CSNK1G1: variants seen among roughly 807,000 people sequenced by gnomAD.
CSNK1G1 encodes the protein casein kinase I isoform gamma-1.
In CSNK1G1, 22 loss-of-function variants were observed where a neutral mutation model predicts 59.6. The observed-to-expected ratio is 0.37, with a 90% CI of 0.26 to 0.53. The LOEUF is 0.53. Ranked by LOEUF, CSNK1G1 falls within the 20% of genes least tolerant of loss-of-function variation. The pLI is 0.89. For synonymous variants in CSNK1G1, 179 were observed against 177.1 expected, an observed-to-expected ratio of 1.01 and a Z score of -0.08; for missense variants, 384 against 519.5, an observed-to-expected ratio of 0.74 and a Z score of 2.54.
At chr15:64,340,759 G>T (rs1429573144) in intron 1 of CSNK1G1, among the ~76,000 whole-genome samples, 7 of 152,194 alleles carry the variant, frequency 4.6e-5, no homozygotes, top group Admixed American at 4.6e-4. Context: ...CTCAAGACCA[G>T]ACTGGGCAAT....
intron 1 of CSNK1G1, among the ~76,000 whole-genome samples, chr15:64,335,510 G>T (rs1024597805): frequency 3.3e-5 from 5 of 152,124 alleles, no homozygotes; most frequent in Non-Finnish European, 7.4e-5. Context: ...CTTGATGATT[G>T]TCCCAAGAAA....
At chr15:64,257,229 G>C (rs74019233) in intron 3 of CSNK1G1, among the ~76,000 whole-genome samples, 1 of 151,702 alleles carries the variant, frequency 6.6e-6, no homozygotes. Context: ...GAAATGTAAC[G>C]ATCAATCATG....
chr15:64,288,596 GTA>G (rs749748985), intron 2 of CSNK1G1, among the ~76,000 whole-genome samples: 1 of 150,740 alleles, frequency 6.6e-6, no homozygotes. Context: ...GTGTGCATGT[GTA>G]TATATATATA....
rs550499222 is a variant in CSNK1G1, at chr15:64,325,010, T to C, written c.-224-24287A>G. Among the ~76,000 whole-genome samples, 22 of 152,346 alleles carry C rather than the reference T, an allele frequency of 1.4e-4. No individual in the cohort carries two copies. In the South Asian group the frequency reaches 2.7e-3, roughly 19 times the overall value. On this transcript the variant is annotated intron_variant, in intron 1 of 11. Coordinates refer to ENST00000303052, the MANE Select transcript of CSNK1G1 (RefSeq NM_022048.5). ...TACCATACAGTCTGATACTCTGTAA[T>C]ATGTGTTAGCAGGGTAACTATTGAA... is the stretch of plus-strand genomic sequence containing the variant.
rs538034812 is a variant in CSNK1G1 at position 64,165,768 on chromosome 15, A to C, written c.*6163T>G. The C allele has an allele frequency of 1.9e-5, 7 of 366,914 alleles. No individual in the cohort carries two copies. The highest frequency in any genetic ancestry group is 3.4e-5 in the Non-Finnish European group (7 of 206,354). 22.7% of individuals were successfully genotyped at this position (366,914 alleles called of 1,614,324 possible). ...AGGTAAGACATTTTATTTTACATAC[A>C]AAAAGGGTGCAAACTGAGTCCTTTC... On this transcript the variant is annotated 3_prime_UTR_variant, in exon 12 of 12. Coordinates refer to ENST00000303052, the MANE Select transcript of CSNK1G1 (RefSeq NM_022048.5).
chr15:64,339,033 C>G (rs1340163345), intron 1 of CSNK1G1, among the ~76,000 whole-genome samples: 1 of 151,710 alleles, frequency 6.6e-6, no homozygotes, highest in African/African-American at 2.4e-5. Context: ...AAAAGTACTT[C>G]CAAGAAAAGG....
intron 1 of CSNK1G1, among the ~76,000 whole-genome samples, chr15:64,343,998 T>C (rs1164879567): frequency 6.6e-6 from 1 of 152,084 alleles, no homozygotes; most frequent in African/African-American, 2.4e-5. Flanking sequence ...TGCAACAAAC[T>C]CATTTTGTTA....
At chr15:64,173,879 G>C (rs1031873105) in intron 11 of CSNK1G1, among the ~76,000 whole-genome samples, 4 of 152,164 alleles carry the variant, frequency 2.6e-5, no homozygotes, top group Admixed American at 2.0e-4. Flanking sequence ...CTCCCAAAGT[G>C]CTGGGATTAC....
intron 10 of CSNK1G1, among the ~76,000 whole-genome samples, chr15:64,198,469 G>A (rs915484518): frequency 3.9e-5 from 6 of 151,962 alleles, no homozygotes; most frequent in African/African-American, 1.4e-4. Context: ...GCCTTCCAAA[G>A]TGCTGGGATT....
intron 10 of CSNK1G1, among the ~76,000 whole-genome samples, chr15:64,182,229 G>A (rs531056526): frequency 2.0e-5 from 3 of 151,414 alleles, no homozygotes; most frequent in Non-Finnish European, 4.4e-5. Context: ...ACACCTGGCT[G>A]TTTGTTTGTT....
intron 4 of CSNK1G1, among the ~76,000 whole-genome samples, chr15:64,248,122 T>G (rs957910691): frequency 1.3e-5 from 2 of 152,182 alleles, no homozygotes; most frequent in Non-Finnish European, 1.5e-5. Flanking sequence ...AACATCACCT[T>G]GGTAATCAAA....
intron 10 of CSNK1G1, among the ~76,000 whole-genome samples, chr15:64,195,977 C>G (rs1201459359): frequency 1.3e-5 from 2 of 152,152 alleles, no homozygotes; most frequent in East Asian, 3.8e-4. Context: ...CACTTGTAAT[C>G]CCCGTTACTT....
At chr15:64,215,276 G>C (rs1000476330) in intron 5 of CSNK1G1, among the ~76,000 whole-genome samples, 33 of 127,724 alleles carry the variant, frequency 2.6e-4, no homozygotes, top group African/African-American at 1.0e-3. Flanking sequence ...GCAGTGGCAC[G>C]ATCTCGGCTC....
intron 2 of CSNK1G1, among the ~76,000 whole-genome samples, chr15:64,276,591 A>C (rs1283808293): frequency 6.6e-6 from 1 of 152,186 alleles, no homozygotes; most frequent in East Asian, 1.9e-4. Context: ...AGAGTGACGT[A>C]CCAATGAGAT....
intron 1 of CSNK1G1, among the ~76,000 whole-genome samples, chr15:64,319,093 T>C (rs1011330885): frequency 2.6e-5 from 4 of 151,976 alleles, no homozygotes; most frequent in Non-Finnish European, 4.4e-5. Context: ...CTCAAAGTGA[T>C]CCGCCTGCCT....
At chr15:64,307,312 A>T (rs538240052) in intron 1 of CSNK1G1, among the ~76,000 whole-genome samples, 1 of 152,172 alleles carries the variant, frequency 6.6e-6, no homozygotes, top group Non-Finnish European at 1.5e-5. Flanking sequence ...GTACCCAAAA[A>T]ATCTAAAAAT....
In CSNK1G1 at chr15:64,322,022, CTAAG is replaced by C. The variant is rs57741586; in HGVS notation, c.-224-21303_-224-21300del. On this transcript the variant is annotated intron_variant, in intron 1 of 11. Coordinates refer to ENST00000303052, the MANE Select transcript of CSNK1G1 (RefSeq NM_022048.5). Reference sequence around the variant, plus strand: ...TTTCTTTTTTCTTAACTAAATTACTCTAAGTAGTAAATATCTTTTGCCTTCTGAA... The same window carrying C: ...TTTCTTTTTTCTTAACTAAATTACTCTAGTAAATATCTTTTGCCTTCTGAA... Among the ~76,000 whole-genome samples the C allele has an allele frequency of 6.8e-3, 1,041 of 152,194 alleles. 10 individuals are homozygous for C. Among genetic ancestry groups the C allele is most frequent in the African/African-American group, 0.017 (702 of 41,508 alleles).
intron 4 of CSNK1G1, among the ~76,000 whole-genome samples, chr15:64,237,654 T>C (rs1199284414): frequency 6.6e-6 from 1 of 152,218 alleles, no homozygotes; most frequent in Non-Finnish European, 1.5e-5. Flanking sequence ...TATAATGTAC[T>C]CCTAAGGATG....
intron 2 of CSNK1G1, among the ~76,000 whole-genome samples, chr15:64,289,179 CA>C (rs111427455): frequency 0.024 from 2,654 of 108,936 alleles, 49 homozygotes; most frequent in African/African-American, 0.062. Context: ...GACTCTGTAT[CA>C]AAAAAAAAAA....
Sources: gnomAD v4.1 joint callset for allele counts (sites outside exome capture counted in the v4.1 genomes callset) on GRCh38, gnomAD v4.1.1 for gene constraint, MANE v1.5 for transcripts, NCBI Gene and HGNC (gene_info 2026-07-23, HGNC 2026-07-21) for gene names.